KIF6: variants seen among roughly 807,000 people sequenced by gnomAD.
KIF6 encodes the protein kinesin family member 6.
A neutral mutation model predicts 112.7 loss-of-function variants in KIF6; 106 were observed. That is an observed-to-expected ratio of 0.94 (90% CI 0.80 to 1.11). The LOEUF is 1.11. Ranked by LOEUF, KIF6 falls within the 50% of genes least tolerant of loss-of-function variation. KIF6 has a pLI of 0.00. For missense variants in KIF6, 929 were observed against 964.0 expected (o/e 0.96, Z 0.48); for synonymous variants, 339 against 339.9 (o/e 1.00, Z 0.03).
chr6:39,524,563 G>GA (rs1383879578), intron 13 of KIF6, among the ~76,000 whole-genome samples: 4 of 152,116 alleles, frequency 2.6e-5, no homozygotes, highest in African/African-American at 9.7e-5. Flanking sequence ...TTCTCAGCTG[G>GA]AAAAAACCTG....
At chr6:39,694,438 C>A (rs964841613) in intron 3 of KIF6, among the ~76,000 whole-genome samples, 5 of 152,182 alleles carry the variant, frequency 3.3e-5, no homozygotes, top group Non-Finnish European at 5.9e-5. Flanking sequence ...TGCCGAAAGT[C>A]TCCTAGACCT....
intron 14 of KIF6, among the ~76,000 whole-genome samples, chr6:39,427,681 G>A (rs1770869319): frequency 6.6e-6 from 1 of 152,210 alleles, no homozygotes; most frequent in Non-Finnish European, 1.5e-5. Flanking sequence ...GGTTGTGTGA[G>A]TTTTAGTTCC....
At chr6:39,583,922 G>A (rs549512508) in intron 9 of KIF6, among the ~76,000 whole-genome samples, 110 of 151,778 alleles carry the variant, frequency 7.2e-4, no homozygotes, top group Non-Finnish European at 1.3e-3. Flanking sequence ...TTTATGATGA[G>A]CTAAATTATT....
chr6:39,613,309 T>C lies in KIF6; in HGVS notation c.519A>G (p.Thr173=). ...TGTTCTGATCAGGATCCTCCAGTAT[T>C]GTCACTTTCCTAAGCAAATGGGAAG... is the stretch of plus-strand genomic sequence containing the variant. The part of the protein sequence containing the change: ...ASSLEDLPKV[T]ILEDPDQNIH... Residue 173 remains threonine, a synonymous_variant, in exon 6 of 23, where the codon ACA becomes ACG. Transcript: ENST00000287152. 1 of 1,584,930 alleles carries C rather than the reference T, an allele frequency of 6.3e-7. No homozygotes were observed. Among genetic ancestry groups the C allele is most frequent in the Non-Finnish European group, 8.6e-7 (1 of 1,168,444 alleles).
At chr6:39,668,460 G>A (rs894136489) in intron 3 of KIF6, among the ~76,000 whole-genome samples, 18 of 152,200 alleles carry the variant, frequency 1.2e-4, no homozygotes, top group Middle Eastern at 3.4e-3. Context: ...AATCCAAAGA[G>A]CCCTTAGAAG....
intron 10 of KIF6, among the ~76,000 whole-genome samples, chr6:39,556,848 T>C (rs1424831172): frequency 6.6e-6 from 1 of 152,228 alleles, no homozygotes; most frequent in Non-Finnish European, 1.5e-5. Flanking sequence ...TCCTGACAGT[T>C]CATTAATTTG....
intron 10 of KIF6, among the ~76,000 whole-genome samples, chr6:39,577,186 G>C (rs964815226): frequency 2.0e-5 from 3 of 152,210 alleles, no homozygotes; most frequent in Admixed American, 2.0e-4. Flanking sequence ...CCCCGTAGGA[G>C]TGAAAGCTTT....
chr6:39,591,606 G>A (rs143003572), intron 7 of KIF6, among the ~76,000 whole-genome samples: 5 of 152,250 alleles, frequency 3.3e-5, no homozygotes, highest in Non-Finnish European at 4.4e-5. Flanking sequence ...GAAGAGGACC[G>A]TGAGAAGGTA....
At position 39,434,489 on chromosome 6, in the gene KIF6, T is replaced by G. The variant is rs1581849206; in HGVS notation, c.1646-3328A>C. 2.0e-5 allele frequency among the ~76,000 whole-genome samples: 3 copies of G among 151,986 alleles called. No homozygotes were observed. The East Asian group carries it at 5.8e-4, about 29-fold the overall frequency. On this transcript the variant is annotated intron_variant, in intron 13 of 22. Coordinates refer to ENST00000287152, the MANE Select transcript of KIF6 (RefSeq NM_145027.6). ...GGGAGGCTGAGGCAGGAGAATCACT[T>G]GAACCCAGGAGGCAGAGGTTGCAGT... is the stretch of plus-strand genomic sequence containing the variant.
At chr6:39,527,990 ACT>A (rs1347952797) in intron 13 of KIF6, among the ~76,000 whole-genome samples, 1 of 152,184 alleles carries the variant, frequency 6.6e-6, no homozygotes, top group Non-Finnish European at 1.5e-5. Context: ...TTTGAAATTT[ACT>A]CTGTCAGCAA....
intron 5 of KIF6, among the ~76,000 whole-genome samples, chr6:39,629,740 G>A (rs1306195291): frequency 1.3e-5 from 2 of 151,930 alleles, no homozygotes; most frequent in Non-Finnish European, 2.9e-5. Flanking sequence ...TTTTGGTGTT[G>A]CATCTAAAAA....
intron 16 of KIF6, among the ~76,000 whole-genome samples, chr6:39,368,963 G>A (rs1477459988): frequency 2.6e-5 from 4 of 152,164 alleles, no homozygotes; most frequent in Non-Finnish European, 4.4e-5. Flanking sequence ...CCAGGTGGTC[G>A]TCTTGGCCAT....
intron 2 of KIF6, among the ~76,000 whole-genome samples, chr6:39,720,004 T>C (rs927121370): frequency 1.6e-4 from 25 of 152,028 alleles, no homozygotes; most frequent in African/African-American, 6.0e-4. Flanking sequence ...ATAAAATAAA[T>C]AAAACTTTAA....
chr6:39,647,457 A>G (rs1785225792), intron 3 of KIF6, among the ~76,000 whole-genome samples: 1 of 152,130 alleles, frequency 6.6e-6, no homozygotes, highest in Non-Finnish European at 1.5e-5. Context: ...TCCTCCAACC[A>G]CTGTCCCACC....
intron 13 of KIF6, among the ~76,000 whole-genome samples, chr6:39,460,420 T>G (rs1773392506): frequency 7.4e-6 from 1 of 135,344 alleles, no homozygotes; most frequent in Non-Finnish European, 1.5e-5. Context: ...ATATACCTAA[T>G]GCTAGATGAC....
intron 3 of KIF6, among the ~76,000 whole-genome samples, chr6:39,641,697 A>G (rs1351055824): frequency 6.6e-6 from 1 of 152,076 alleles, no homozygotes; most frequent in Non-Finnish European, 1.5e-5. Context: ...AAAAAACTAC[A>G]GAGCACAAAT....
At chr6:39,496,209 C>T (rs111882075) in intron 13 of KIF6, among the ~76,000 whole-genome samples, 13,028 of 152,216 alleles carry the variant, frequency 0.086, 825 homozygotes, top group Admixed American at 0.19. Context: ...AGAGATCTAC[C>T]TAAAGTCCCT....
At chr6:39,367,196 C>A (rs1046771560) in intron 16 of KIF6, among the ~76,000 whole-genome samples, 1 of 152,176 alleles carries the variant, frequency 6.6e-6, no homozygotes, top group African/African-American at 2.4e-5. Context: ...CATCAGTAAC[C>A]TCTGAAGAGA....
intron 10 of KIF6, among the ~76,000 whole-genome samples, chr6:39,555,821 G>T (rs1384650109): frequency 6.6e-6 from 1 of 151,846 alleles, no homozygotes; most frequent in African/African-American, 2.4e-5. Flanking sequence ...GGTGGTAGCG[G>T]TGCATGCCTG....
Sources: gnomAD v4.1 joint callset for allele counts (sites outside exome capture counted in the v4.1 genomes callset) on GRCh38, gnomAD v4.1.1 for gene constraint, MANE v1.5 for transcripts, NCBI Gene and HGNC (gene_info 2026-07-23, HGNC 2026-07-21) for gene names.